The following TMTC2 variants were observed in gnomAD, a reference collection of about 807,000 sequenced individuals.
The protein encoded by TMTC2 is transmembrane O-mannosyltransferase targeting cadherins 2.
In TMTC2, 43 loss-of-function variants were observed where a neutral mutation model predicts 82.4. The observed-to-expected ratio is 0.52, with a 90% CI of 0.41 to 0.67. The LOEUF (loss-of-function observed/expected upper bound fraction) is 0.67. Ranked by LOEUF, TMTC2 falls within the 30% of genes least tolerant of loss-of-function variation. The pLI is 0.00. For missense variants in TMTC2, 919 were observed against 1,012.4 expected (o/e 0.91, Z 1.25); for synonymous variants, 408 against 381.9 (o/e 1.07, Z -0.80).
intron 9 of TMTC2, among the ~76,000 whole-genome samples, chr12:83,046,445 A>C (rs1882131297): frequency 6.6e-6 from 1 of 152,164 alleles, no homozygotes; most frequent in Non-Finnish European, 1.5e-5. Context: ...ATTTTAGTTC[A>C]AGTCCTCCAG....
At chr12:83,013,916 G>T (rs1880564304) in intron 8 of TMTC2, among the ~76,000 whole-genome samples, 1 of 152,158 alleles carries the variant, frequency 6.6e-6, no homozygotes, top group African/African-American at 2.4e-5. Context: ...TTCTTAAACT[G>T]TCTCCAGTAT....
At chr12:83,076,498 A>C (rs964868644) in intron 11 of TMTC2, among the ~76,000 whole-genome samples, 23 of 152,214 alleles carry the variant, frequency 1.5e-4, no homozygotes, top group Non-Finnish European at 3.1e-4. Flanking sequence ...TACTCCAAAG[A>C]AACCAGATTC....
At chr12:82,966,845 T>G in intron 6 of TMTC2, 74 bp from the exon 7 acceptor site, 1 of 1,104,898 alleles carries the variant, frequency 9.1e-7, no homozygotes, top group Non-Finnish European at 1.3e-6. Flanking sequence ...TGGAAGAAAG[T>G]TATTATCTTA....
chr12:82,949,059 A>G (rs1369031269), intron 4 of TMTC2, among the ~76,000 whole-genome samples: 1 of 152,208 alleles, frequency 6.6e-6, no homozygotes, highest in Non-Finnish European at 1.5e-5. Flanking sequence ...TGAATGAATA[A>G]ACAAGTCAGT....
intron 7 of TMTC2, among the ~76,000 whole-genome samples, chr12:82,984,499 C>T (rs1341786423): frequency 6.6e-6 from 1 of 152,068 alleles, no homozygotes; most frequent in Non-Finnish European, 1.5e-5. Flanking sequence ...ATGAGTTCTT[C>T]CTTTGAAGCA....
chr12:82,708,842 A>G (rs1389541417), intron 1 of TMTC2, among the ~76,000 whole-genome samples: 2 of 151,834 alleles, frequency 1.3e-5, no homozygotes, highest in African/African-American at 4.8e-5. Context: ...TGACCTCCCC[A>G]TGGGTATCTG....
intron 8 of TMTC2, among the ~76,000 whole-genome samples, chr12:83,016,933 T>G (rs1322324478): frequency 6.6e-6 from 1 of 152,230 alleles, no homozygotes; most frequent in Non-Finnish European, 1.5e-5. Context: ...GAATAGCGCC[T>G]GATGCATAGT....
At chr12:83,046,693 G>C (rs1278705583) in intron 9 of TMTC2, among the ~76,000 whole-genome samples, 1 of 152,010 alleles carries the variant, frequency 6.6e-6, no homozygotes, top group Admixed American at 6.6e-5. Context: ...AATTCTTCAG[G>C]GAAGAGCACC....
chr12:83,001,550 G>C (rs546689126), intron 8 of TMTC2, among the ~76,000 whole-genome samples: 1 of 150,038 alleles, frequency 6.7e-6, no homozygotes, highest in Admixed American at 6.7e-5. Context: ...CAGGAGAATC[G>C]CTTGAACCTG....
chr12:82,898,435 G>T (rs759677408), intron 3 of TMTC2, among the ~76,000 whole-genome samples: 5 of 152,298 alleles, frequency 3.3e-5, no homozygotes, highest in South Asian at 2.1e-4. Context: ...TGTTCTGAGG[G>T]TTTATTAAAT....
chr12:83,084,874 G>T (rs1468427512), intron 11 of TMTC2, among the ~76,000 whole-genome samples: 1 of 152,206 alleles, frequency 6.6e-6, no homozygotes, highest in African/African-American at 2.4e-5. Flanking sequence ...TGCACTTTTA[G>T]AAATCTGACT....
chr12:82,742,686 A>ATT (rs201296323), intron 1 of TMTC2, among the ~76,000 whole-genome samples: 3 of 150,904 alleles, frequency 2.0e-5, no homozygotes, highest in African/African-American at 4.9e-5. Context: ...TGCCAGGCTA[A>ATT]TTTTTTTTTG....
intron 7 of TMTC2, among the ~76,000 whole-genome samples, chr12:82,981,774 TTC>T (rs1878930018): frequency 6.6e-6 from 1 of 151,890 alleles, no homozygotes. Context: ...TTATTGAACT[TTC>T]TTTTCCTGTG....
chr12:82,997,356 A>ATATATGTG (rs1879689491), intron 8 of TMTC2, among the ~76,000 whole-genome samples: 2 of 33,360 alleles, frequency 6.0e-5, no homozygotes, highest in African/African-American at 1.7e-4. Context: ...GTGTATATAT[A>ATATATGTG]TATATATATG....
At chr12:83,029,361 G>A (rs192029501) in intron 8 of TMTC2, among the ~76,000 whole-genome samples, 104 of 152,246 alleles carry the variant, frequency 6.8e-4, no homozygotes, top group African/African-American at 2.4e-3. Context: ...ATTAGTGTTA[G>A]TGTATTTTAT....
chr12:82,878,782 G>A (rs7314923), intron 2 of TMTC2, among the ~76,000 whole-genome samples: 21,248 of 152,102 alleles, frequency 0.14, 4,538 homozygotes, highest in African/African-American at 0.46. Flanking sequence ...ATGTTCTTAT[G>A]GTCCCAGTTA....
intron 1 of TMTC2, among the ~76,000 whole-genome samples, chr12:82,745,547 G>C (rs539355642): frequency 6.6e-6 from 1 of 152,268 alleles, no homozygotes; most frequent in African/African-American, 2.4e-5. Flanking sequence ...CGAAGCTCCT[G>C]TTCAGTAGCT....
intron 1 of TMTC2, among the ~76,000 whole-genome samples, chr12:82,750,162 T>C (rs530545010): frequency 4.2e-4 from 64 of 152,306 alleles, no homozygotes; most frequent in African/African-American, 1.5e-3. Context: ...TAGTTTTTTT[T>C]CTCATTCCTT....
intron 11 of TMTC2, among the ~76,000 whole-genome samples, chr12:83,118,047 A>C (rs1319288057): frequency 3.3e-5 from 5 of 152,084 alleles, no homozygotes; most frequent in Non-Finnish European, 7.4e-5. Flanking sequence ...GAATTATTTT[A>C]TCAGTTTTAG....
Sources: gnomAD v4.1 joint callset for allele counts (sites outside exome capture counted in the v4.1 genomes callset) on GRCh38, gnomAD v4.1.1 for gene constraint, MANE v1.5 for transcripts, NCBI Gene and HGNC (gene_info 2026-07-23, HGNC 2026-07-21) for gene names.